The following ABCA12 variants were observed in gnomAD, a reference collection of about 807,000 sequenced individuals.
ABCA12 encodes the protein ATP binding cassette subfamily A member 12.
ABCA12 carries 156 observed loss-of-function variants against 293.5 expected under a neutral mutation model. The ratio of observed to expected loss-of-function variants is 0.53; its 90% confidence interval spans 0.47 to 0.61. The LOEUF (loss-of-function observed/expected upper bound fraction) is 0.61, where lower values mean the gene tolerates loss of function less well. ABCA12 is among the 20% of genes least tolerant of loss of function. ABCA12 has a pLI of 0.00. For synonymous variants in ABCA12, 1,063 were observed against 1,108.0 expected (o/e 0.96, Z 0.81); for missense variants, 2,797 against 3,090.2 (o/e 0.91, Z 2.25).
At chr2:215,088,040 G>C (rs1172934238) in intron 2 of ABCA12, among the ~76,000 whole-genome samples, 1 of 152,142 alleles carries the variant, frequency 6.6e-6, no homozygotes, top group East Asian at 1.9e-4. Context: ...GATGGAGAGG[G>C]GGCTGTGTAA....
intron 3 of ABCA12, among the ~76,000 whole-genome samples, chr2:215,059,749 C>T (rs1327917828): frequency 1.3e-5 from 2 of 151,840 alleles, no homozygotes. Flanking sequence ...TGACACTGTG[C>T]AGATTATGTT....
intron 32 of ABCA12, 144 bp downstream of exon 32, chr2:214,978,660 A>C (rs937097566): frequency 9.3e-7 from 1 of 1,070,286 alleles, no homozygotes; most frequent in Non-Finnish European, 1.4e-6. Flanking sequence ...TCAGTCTTAC[A>C]TAAGAATAGT....
chr2:214,983,015 A>T (rs1699702335), intron 29 of ABCA12, among the ~76,000 whole-genome samples: 1 of 152,166 alleles, frequency 6.6e-6, no homozygotes, highest in Admixed American at 6.5e-5. Context: ...ACAAATGGCC[A>T]TCTGGGGGGG....
Position 214,950,868 on chromosome 2 carries a change from C to T in ABCA12, c.6852+11G>A. 6.2e-7 allele frequency: 1 copy of T among 1,612,478 alleles called. No individual in the cohort carries two copies. The highest frequency in any genetic ancestry group is 1.1e-5 in the South Asian group (1 of 91,044). ...GAAAAGGACAGTTAGAAACAAAACA[C>T]AGTTTCTTACCTCTCCAGCAGGTAT... On this transcript the variant is annotated intron_variant, in intron 45 of 52. Coordinates refer to ENST00000272895, the MANE Select transcript of ABCA12 (RefSeq NM_173076.3).
At chr2:215,034,509 A>T (rs1217202657) in intron 8 of ABCA12, among the ~76,000 whole-genome samples, 2 of 152,232 alleles carry the variant, frequency 1.3e-5, no homozygotes, top group Admixed American at 6.5e-5. Flanking sequence ...AGTGACTAAA[A>T]GTGTGGGCTC....
intron 1 of ABCA12, among the ~76,000 whole-genome samples, chr2:215,112,788 G>A (rs563406470): frequency 9.9e-5 from 15 of 152,178 alleles, no homozygotes; most frequent in Admixed American, 7.9e-4. Context: ...GTGAGCCACC[G>A]TGCCCGGCCT....
chr2:215,105,418 A>G (rs1702444357), intron 2 of ABCA12, among the ~76,000 whole-genome samples: 1 of 152,162 alleles, frequency 6.6e-6, no homozygotes, highest in Non-Finnish European at 1.5e-5. Flanking sequence ...AAGCACAGGC[A>G]TTCTACTGCA....
At chr2:215,007,000 C>A (rs949512318) in intron 19 of ABCA12, among the ~76,000 whole-genome samples, 1 of 150,598 alleles carries the variant, frequency 6.6e-6, no homozygotes, top group African/African-American at 2.4e-5. Context: ...CTCAGCCTCC[C>A]GAGTAATTGG....
chr2:215,074,730 T>A (rs1458776862), intron 2 of ABCA12, among the ~76,000 whole-genome samples: 1 of 152,008 alleles, frequency 6.6e-6, no homozygotes, highest in Admixed American at 6.6e-5. Flanking sequence ...GATCATGAGG[T>A]CAGGAGATCG....
At chr2:215,092,539 G>A (rs11901191) in intron 2 of ABCA12, among the ~76,000 whole-genome samples, 8,508 of 151,894 alleles carry the variant, frequency 0.056, 762 homozygotes, top group African/African-American at 0.19. Context: ...CTATCCCATT[G>A]AAACCTAATC....
At chr2:215,000,583 A>G in intron 22 of ABCA12, 122 bp downstream of exon 22, 1 of 1,109,212 alleles carries the variant, frequency 9.0e-7, no homozygotes, top group Non-Finnish European at 1.3e-6. Flanking sequence ...TCTCAAAACA[A>G]GCATATTACA....
chr2:215,065,300 A>T (rs900775099), intron 2 of ABCA12, among the ~76,000 whole-genome samples: 250 of 21,826 alleles, frequency 0.011, 2 homozygotes, highest in Middle Eastern at 0.038. Context: ...GAATGTGTAA[A>T]AAAAAAAAAA....
chr2:214,968,768 G>T lies in ABCA12; in HGVS notation c.5730C>A (p.Asp1910Glu), dbSNP rs766170236. ...GGACTCCTGTTATATCAAAACGAAG[G>T]TCTTTTGTCAAAGGCAGCCCAAAAC... ...GWSFGLPLTK[D>E]LRFDITGVPA... The change falls in exon 38 of 53, where the codon GAC becomes GAA. Residue 1910 changes from aspartate (D) to glutamate (E), a missense_variant. Asp to Glu is a conservative substitution (Grantham distance 45). This residue lies in a region of ABCA12 where 2,130 missense variants were observed against 2,427.0 expected (regional missense o/e 0.88). Coordinates refer to ENST00000272895, the MANE Select transcript of ABCA12 (RefSeq NM_173076.3). 6.2e-7 allele frequency: 1 copy of T among 1,613,280 alleles called. No individual in the cohort carries two copies. Among genetic ancestry groups the T allele is most frequent in the South Asian group, 1.1e-5 (1 of 91,074 alleles).
At chr2:214,990,353 A>T (rs1057433470) in intron 24 of ABCA12, among the ~76,000 whole-genome samples, 1 of 152,218 alleles carries the variant, frequency 6.6e-6, no homozygotes, top group Admixed American at 6.5e-5. Context: ...AATTGTTCAC[A>T]TATGAGAATA....
chr2:214,990,952 G>A lies in ABCA12; in HGVS notation c.3374C>T (p.Thr1125Ile), dbSNP rs1699898646. 1.9e-6 allele frequency: 3 copies of A among 1,614,058 alleles called. No individual in the cohort carries two copies. Among genetic ancestry groups the A allele is most frequent in the African/African-American group, 2.7e-5 (2 of 75,036 alleles). ...LIESVGFLLV[T>I]IVILIIILKF... ...GAGTATAATGATGAGGATCACGATG[G>A]TAACCAGTAAAAATCCAACACTCTC... Residue 1125 changes from threonine to isoleucine, a missense_variant, in exon 24 of 53, where the codon ACC (threonine) becomes ATC (isoleucine). Thr to Ile is a moderately conservative substitution (Grantham distance 89, BLOSUM62 -1). Coordinates refer to ENST00000272895, the MANE Select transcript of ABCA12 (RefSeq NM_173076.3).
In ABCA12 at chr2:214,945,029, T is replaced by G. The variant is rs778643676; in HGVS notation, c.7315A>C (p.Lys2439Gln). ...WKIISEEVQN[K>Q]CSVILTSHSM... The stretch of plus-strand genomic sequence containing the variant: ...TGAGATGTGAGGATGACGGAACATT[T>G]GTTCTGTACTTCTTCTGAAATGATC... The change falls in exon 49 of 53, where the codon AAA becomes CAA. Residue 2439 changes from lysine to glutamine, a missense_variant. By Grantham distance (53) the Lys-to-Gln change is moderately conservative (BLOSUM62 1). Coordinates refer to ENST00000272895, the MANE Select transcript of ABCA12 (RefSeq NM_173076.3). The G allele has an allele frequency of 1.2e-6, 2 of 1,613,800 alleles. No homozygotes were observed. Among genetic ancestry groups the G allele is most frequent in the Non-Finnish European group, 1.7e-6 (2 of 1,179,902 alleles).
rs771375124 is a variant in ABCA12 at position 214,947,447 on chromosome 2, A to T, written c.7214T>A (p.Ile2405Lys). 1 of 1,613,992 alleles carries T rather than the reference A, an allele frequency of 6.2e-7. No individual in the cohort carries two copies. Among genetic ancestry groups the T allele is most frequent in the East Asian group, 2.2e-5 (1 of 44,864 alleles). ...CAGCAGTAGAATGGAAGGTTTCCCT[A>T]TCAAGGCCAGTGCAGTGGATAATTT... ...KRKLSTALAL[I>K]GKPSILLLDE... The change falls in exon 48 of 53, where the codon ATA (isoleucine) becomes AAA (lysine). Residue 2405 changes from isoleucine (I) to lysine (K), a missense_variant. Ile to Lys is a moderately radical substitution (Grantham distance 102, BLOSUM62 -3). Around this residue, in one of 3 missense-constraint regions of ABCA12, gnomAD observed 2,130 missense variants for 2,427.0 expected, o/e 0.88. Coordinates refer to ENST00000272895, the MANE Select transcript of ABCA12 (RefSeq NM_173076.3).
intron 28 of ABCA12, among the ~76,000 whole-genome samples, chr2:214,986,341 T>C (rs764178821): frequency 6.6e-6 from 1 of 152,174 alleles, no homozygotes; most frequent in Non-Finnish European, 1.5e-5. Flanking sequence ...TTTTACAAAA[T>C]TGGCACTGAA....
intron 4 of ABCA12, 32 bp from the exon 5 acceptor site, chr2:215,052,616 C>T: frequency 8.4e-7 from 1 of 1,196,460 alleles, no homozygotes; most frequent in Middle Eastern, 2.0e-4. Context: ...ATTAGCATTC[C>T]ACACACACAC....
Sources: allele counts gnomAD v4.1 joint callset (sites outside exome capture counted in the v4.1 genomes callset), GRCh38; gene constraint gnomAD v4.1.1; regional missense constraint gnomAD v4.1.1; transcripts MANE v1.5; gene names NCBI Gene and HGNC (gene_info 2026-07-23, HGNC 2026-07-21).